SNX25: variants seen among roughly 807,000 people sequenced by gnomAD.
SNX25 encodes sorting nexin-25.
In SNX25, 62 loss-of-function variants were observed where a neutral mutation model predicts 113.7. The observed-to-expected ratio is 0.55, with a 90% CI of 0.44 to 0.67. The LOEUF (loss-of-function observed/expected upper bound fraction) is 0.67. SNX25 is among the 30% of genes least tolerant of loss of function. The pLI, the probability that SNX25 is intolerant of heterozygous loss-of-function variation, is 0.00. For synonymous variants in SNX25, 421 were observed against 436.2 expected, an observed-to-expected ratio of 0.97 and a Z score of 0.43; for missense variants, 1,014 against 1,161.0, an observed-to-expected ratio of 0.87 and a Z score of 1.84.
At chr4:185,325,528 G>A (rs1336241572) in intron 9 of SNX25, among the ~76,000 whole-genome samples, 38 of 74,296 alleles carry the variant, frequency 5.1e-4, no homozygotes, top group Admixed American at 4.2e-3. Context: ...GTGAGACTCC[G>A]TCTCAAAAAA....
chr4:185,324,961 A>G (rs552998886), intron 9 of SNX25, among the ~76,000 whole-genome samples: 7 of 152,284 alleles, frequency 4.6e-5, no homozygotes, highest in African/African-American at 1.7e-4. Context: ...AAATTTTTGA[A>G]AAAGGTTAAT....
chr4:185,370,249 T>G (rs1231476866), downstream of SNX25: 1 of 163,496 alleles, frequency 6.1e-6, no homozygotes, highest in Non-Finnish European at 1.3e-5. Flanking sequence ...GGGGTAGATG[T>G]CACGCTCAAA....
intron 9 of SNX25, among the ~76,000 whole-genome samples, chr4:185,324,089 C>A (rs1162992455): frequency 6.6e-6 from 1 of 152,202 alleles, no homozygotes; most frequent in African/African-American, 2.4e-5. Flanking sequence ...TGCCCTCTGT[C>A]TGTTTTAGAT....
At chr4:185,377,536 A>C in the SNX25 span, 1 of 166,526 alleles carries the variant, frequency 6.0e-6, no homozygotes, top group African/African-American at 2.4e-5. Context: ...CAACAACAAC[A>C]ACAAACAATA....
intron 5 of SNX25, among the ~76,000 whole-genome samples, chr4:185,279,569 A>G (rs2126586392): frequency 6.6e-6 from 1 of 152,222 alleles, no homozygotes; most frequent in East Asian, 1.9e-4. Flanking sequence ...ATACCTCATG[A>G]AAATATAGCG....
upstream of SNX25, among the ~76,000 whole-genome samples, chr4:185,206,459 G>C (rs531053719): frequency 1.4e-5 from 2 of 146,834 alleles, no homozygotes; most frequent in South Asian, 2.2e-4. Context: ...TCCTGAGGTC[G>C]GGGGGTTGAG....
intron 7 of SNX25, among the ~76,000 whole-genome samples, chr4:185,311,700 T>G (rs910431267): frequency 6.6e-6 from 1 of 152,236 alleles, no homozygotes; most frequent in African/African-American, 2.4e-5. Flanking sequence ...GTCTCTTGAT[T>G]CTTTCCTGTT....
Position 185,362,043 on chromosome 4 carries a change from G to T in SNX25, c.2771G>T (p.Ser924Ile). ...GKLAPPTTIR[S>I]KEQSQETKQR... Reference sequence around the variant, plus strand: ...TTGGCACCACCGACCACAATCAGAAGCAAAGAGCAAAGTCAGGAAACAAAA... The same window carrying T: ...TTGGCACCACCGACCACAATCAGAATCAAAGAGCAAAGTCAGGAAACAAAA... Residue 924 changes from serine (S) to isoleucine (I), a missense_variant, in exon 17 of 19, where the codon AGC (serine) becomes ATC (isoleucine). Ser to Ile is a moderately radical substitution (Grantham distance 142). Coordinates refer to ENST00000652585, the MANE Select transcript of SNX25 (RefSeq NM_001378034.2). The T allele has an allele frequency of 6.2e-7, 1 of 1,614,018 alleles. No individual in the cohort carries two copies. Among genetic ancestry groups the T allele is most frequent in the Non-Finnish European group, 8.5e-7 (1 of 1,179,960 alleles).
At chr4:185,356,772 T>G (rs1396711478) in intron 15 of SNX25, among the ~76,000 whole-genome samples, 4 of 152,216 alleles carry the variant, frequency 2.6e-5, no homozygotes, top group Non-Finnish European at 5.9e-5. Context: ...TGAGTCTGAA[T>G]TTCTTATTTC....
intron 16 of SNX25, among the ~76,000 whole-genome samples, chr4:185,359,905 T>C (rs2095354375): frequency 6.6e-6 from 1 of 152,184 alleles, no homozygotes; most frequent in Non-Finnish European, 1.5e-5. Flanking sequence ...AGGCTGTCCA[T>C]TTCAGTGGGC....
chr4:185,245,205 A>G (rs979658444), intron 1 of SNX25, among the ~76,000 whole-genome samples: 23 of 151,886 alleles, frequency 1.5e-4, no homozygotes, highest in African/African-American at 4.8e-4. Flanking sequence ...GTAGACCCCA[A>G]TTACATTGTA....
intron 5 of SNX25, among the ~76,000 whole-genome samples, chr4:185,279,574 A>G (rs1270041600): frequency 6.6e-6 from 1 of 152,232 alleles, no homozygotes; most frequent in Non-Finnish European, 1.5e-5. Flanking sequence ...TCATGAAAAT[A>G]TAGCGCAAAA....
At chr4:185,350,484 G>A (rs1419852433) in intron 13 of SNX25, among the ~76,000 whole-genome samples, 6 of 152,154 alleles carry the variant, frequency 3.9e-5, no homozygotes, top group African/African-American at 7.2e-5. Context: ...AGACAAGCTC[G>A]ATTTATGTTC....
chr4:185,375,505 T>TATATAC, the SNX25 span: 2 of 68,856 alleles, frequency 2.9e-5, no homozygotes, highest in Non-Finnish European at 4.8e-5. Flanking sequence ...TATATATATA[T>TATATAC]ATATATATAT....
chr4:185,354,198 G>A (rs966815840), intron 15 of SNX25, among the ~76,000 whole-genome samples: 1 of 152,142 alleles, frequency 6.6e-6, no homozygotes, highest in African/African-American at 2.4e-5. Context: ...TGCTTTTTAT[G>A]TGACTTGGCA....
chr4:185,354,384 T>G (rs1036016236), intron 15 of SNX25, among the ~76,000 whole-genome samples: 2 of 152,142 alleles, frequency 1.3e-5, no homozygotes, highest in African/African-American at 4.8e-5. Context: ...TAGTTCTTCA[T>G]GGAGGGAAGG....
chr4:185,345,738 C>T (rs2095282588), intron 12 of SNX25, among the ~76,000 whole-genome samples: 1 of 152,008 alleles, frequency 6.6e-6, no homozygotes, highest in African/African-American at 2.4e-5. Flanking sequence ...CTGCCATGAG[C>T]CATGATCACG....
intron 16 of SNX25, among the ~76,000 whole-genome samples, chr4:185,360,580 C>T (rs1238549226): frequency 1.3e-5 from 2 of 152,154 alleles, no homozygotes; most frequent in African/African-American, 2.4e-5. Flanking sequence ...CTCCCAACCT[C>T]ACAACTACTC....
At chr4:185,328,965 G>A (rs1206542232) in intron 9 of SNX25, among the ~76,000 whole-genome samples, 1 of 152,100 alleles carries the variant, frequency 6.6e-6, no homozygotes, top group Non-Finnish European at 1.5e-5. Flanking sequence ...GGGTTCATCT[G>A]CAGGCTCAAA....
Sources: allele counts gnomAD v4.1 joint callset (sites outside exome capture counted in the v4.1 genomes callset), GRCh38; gene constraint gnomAD v4.1.1; transcripts MANE v1.5; gene names NCBI Gene and HGNC (gene_info 2026-07-23, HGNC 2026-07-21).